Variants in ODAD4 observed in about 807,000 individuals in gnomAD.
The protein encoded by ODAD4 is outer dynein arm docking complex subunit 4.
Under a neutral mutation model 51.8 loss-of-function variants are expected in ODAD4, and 49 were observed. That is an observed-to-expected ratio of 0.95 (90% CI 0.75 to 1.20). The LOEUF (loss-of-function observed/expected upper bound fraction) is 1.20, where lower values mean the gene tolerates loss of function less well. ODAD4 is among the 50% of genes most tolerant of loss of function. ODAD4 has a pLI of 0.00. For missense variants in ODAD4, 590 were observed against 586.5 expected, an observed-to-expected ratio of 1.01 and a Z score of -0.06; for synonymous variants, 235 against 221.3, an observed-to-expected ratio of 1.06 and a Z score of -0.55.
At chr17:41,937,088 C>A in intron 5 of ODAD4, 161 bp downstream of exon 5, 1 of 840,232 alleles carries the variant, frequency 1.2e-6, no homozygotes, top group Non-Finnish European at 1.9e-6. Context: ...GAAACTGAGG[C>A]GCAGACCAAC....
At chr17:41,943,606 G>T (rs968848078) in intron 7 of ODAD4, among the ~76,000 whole-genome samples, 1 of 152,218 alleles carries the variant, frequency 6.6e-6, no homozygotes, top group Non-Finnish European at 1.5e-5. Flanking sequence ...ATGGTGGAAT[G>T]TCATCAGTTA....
At chr17:41,960,743 G>T (rs557751728) in intron 10 of ODAD4, among the ~76,000 whole-genome samples, 5 of 152,188 alleles carry the variant, frequency 3.3e-5, no homozygotes, top group East Asian at 3.9e-4. Context: ...GGAGGGAGGT[G>T]GGGGGTGGGC....
In ODAD4 at chr17:41,935,200, A is replaced by G; in HGVS notation, c.115-17A>G. On this transcript the variant is annotated splice_polypyrimidine_tract_variant and intron_variant, in intron 1 of 11. Transcript: ENST00000377540. ...GCTCTTCATGCTGGCTGTCAACCTG[A>G]CTGGTTTCTTTGTCAGGCTCTTTAC... The G allele has an allele frequency of 6.2e-7, 1 of 1,613,538 alleles. No individual in the cohort carries two copies. The highest frequency in any genetic ancestry group is 8.5e-7 in the Non-Finnish European group (1 of 1,179,784).
At chr17:41,964,357 G>A (rs922790806) in intron 11 of ODAD4, among the ~76,000 whole-genome samples, 68 of 152,192 alleles carry the variant, frequency 4.5e-4, no homozygotes, top group Middle Eastern at 6.8e-3. Context: ...CATGCCGCCC[G>A]GCCGTGTGAT....
intron 9 of ODAD4, among the ~76,000 whole-genome samples, 159 bp downstream of exon 9, chr17:41,949,508 G>T (rs1300317889): frequency 2.6e-5 from 4 of 152,252 alleles, no homozygotes; most frequent in Non-Finnish European, 4.4e-5. Flanking sequence ...CCAGCACGTG[G>T]TAAGTGCTTT....
rs2050858850 is a variant in ODAD4 at position 41,965,033 on chromosome 17, G to A, written c.1569G>A (p.Lys523=). The change falls in exon 12 of 12, where the codon AAG becomes AAA. Residue 523 remains lysine, a synonymous_variant. Coordinates refer to ENST00000377540, the MANE Select transcript of ODAD4 (RefSeq NM_031421.5). ...LYEDRIITRE[K]DMRRVRDEPE... ...AAGATAGAATAATAACAAGAGAGAAGGACATGAGGAGAGTGAGAGATGAGC... is the reference window on the plus strand; with the variant it reads ...AAGATAGAATAATAACAAGAGAGAAAGACATGAGGAGAGTGAGAGATGAGC... 2.7e-6 allele frequency: 2 copies of A among 729,926 alleles called. No individual in the cohort carries two copies. Among genetic ancestry groups the A allele is most frequent in the Non-Finnish European group, 5.1e-6 (2 of 392,378 alleles). 45.2% of individuals were successfully genotyped at this position (729,926 alleles called of 1,614,324 possible).
At chr17:41,958,660 CAAAAAAA>C (rs544794329) in intron 10 of ODAD4, among the ~76,000 whole-genome samples, 1 of 58,092 alleles carries the variant, frequency 1.7e-5, no homozygotes. Flanking sequence ...AACTCCATCT[CAAAAAAA>C]AAAAAAAAAA....
chr17:41,964,057 C>T (rs1555642136), intron 11 of ODAD4, among the ~76,000 whole-genome samples: 1 of 147,156 alleles, frequency 6.8e-6, no homozygotes, highest in African/African-American at 2.5e-5. Flanking sequence ...CCACCACTCC[C>T]GGTTAATTTT....
intron 1 of ODAD4, among the ~76,000 whole-genome samples, chr17:41,932,891 G>T (rs1387466829): frequency 6.6e-6 from 1 of 151,898 alleles, no homozygotes; most frequent in African/African-American, 2.4e-5. Flanking sequence ...CATTTCTTTT[G>T]CTCCAAATTG....
intron 7 of ODAD4, among the ~76,000 whole-genome samples, chr17:41,943,479 T>C (rs1598078069): frequency 6.6e-6 from 1 of 152,154 alleles, no homozygotes; most frequent in South Asian, 2.1e-4. Context: ...TTAGTTCTTA[T>C]AGGTTTGGGA....
In ODAD4 at chr17:41,931,224, A is replaced by G. The variant is rs113562589; in HGVS notation, c.114+387A>G. Among the ~76,000 whole-genome samples the G allele has an allele frequency of 1.5e-3, 227 of 151,886 alleles. 1 individual carries two copies. The highest frequency in any genetic ancestry group is 5.3e-3 in the African/African-American group (218 of 41,422). On this transcript the variant is annotated intron_variant, in intron 1 of 11. Coordinates refer to ENST00000377540, the MANE Select transcript of ODAD4 (RefSeq NM_031421.5). ...CCCTCACCTTTTGATTGCAGATAAC[A>G]CTGAGGTCTTGATGATGCCTGGAGG...
At chr17:41,942,709 C>A (rs1212524046) in intron 7 of ODAD4, among the ~76,000 whole-genome samples, 1 of 152,040 alleles carries the variant, frequency 6.6e-6, no homozygotes, top group African/African-American at 2.4e-5. Context: ...AAAGATGTGG[C>A]AGGGATGGAG....
chr17:41,959,232 A>G (rs1364154917), intron 10 of ODAD4, among the ~76,000 whole-genome samples: 1 of 152,098 alleles, frequency 6.6e-6, no homozygotes, highest in African/African-American at 2.4e-5. Context: ...CTGCACACCA[A>G]CTTCACAGGT....
At chr17:41,946,945 G>GGTTCACGCCATTCTCCCGC (rs1196178251) in intron 8 of ODAD4, among the ~76,000 whole-genome samples, 3 of 151,698 alleles carry the variant, frequency 2.0e-5, no homozygotes, top group African/African-American at 7.3e-5. Context: ...CCACCTCCCG[G>GGTTCACGCCATTCTCCCGC]GTTCACGCCA....
intron 7 of ODAD4, among the ~76,000 whole-genome samples, chr17:41,942,386 G>A (rs1429329807): frequency 6.6e-6 from 1 of 151,760 alleles, no homozygotes; most frequent in Non-Finnish European, 1.5e-5. Flanking sequence ...AGTGCCCACG[G>A]CACTCATTTA....
At chr17:41,956,495 T>TTTC (rs1555641047) in intron 10 of ODAD4, among the ~76,000 whole-genome samples, 1 of 150,024 alleles carries the variant, frequency 6.7e-6, no homozygotes, top group Non-Finnish European at 1.5e-5. Flanking sequence ...CTTTTTTTTT[T>TTTC]TTTTTTTTTT....
At chr17:41,934,167 G>A (rs2050392555) in intron 1 of ODAD4, among the ~76,000 whole-genome samples, 1 of 143,464 alleles carries the variant, frequency 7.0e-6, no homozygotes, top group Non-Finnish European at 1.5e-5. Context: ...TTAGACTCCC[G>A]AGTAGCTGGG....
intron 2 of ODAD4, 79 bp from the exon 3 acceptor site, chr17:41,935,520 C>T (rs2050412418): frequency 6.5e-7 from 1 of 1,541,024 alleles, no homozygotes; most frequent in East Asian, 2.4e-5. Flanking sequence ...ACCTTCAACC[C>T]AGGACCCTTC....
At chr17:41,939,292 G>A in intron 7 of ODAD4, 120 bp downstream of exon 7, 1 of 1,001,384 alleles carries the variant, frequency 1.0e-6, no homozygotes, top group Non-Finnish European at 1.4e-6. Context: ...GCATGCCTGA[G>A]GTAGATTCTC....
Sources: gnomAD v4.1 joint callset for allele counts (sites outside exome capture counted in the v4.1 genomes callset) on GRCh38, gnomAD v4.1.1 for gene constraint, MANE v1.5 for transcripts, NCBI Gene and HGNC (gene_info 2026-07-23, HGNC 2026-07-21) for gene names.